CD38: variants seen among roughly 807,000 people sequenced by gnomAD.
CD38 encodes the protein ADP-ribosyl cyclase/cyclic ADP-ribose hydrolase 1.
CD38 carries 31 observed loss-of-function variants against 36.3 expected under a neutral mutation model. The observed-to-expected ratio is 0.85, with a 90% confidence interval of 0.64 to 1.15. CD38 has a LOEUF of 1.15. Among genes scored for constraint, CD38 ranks in the 50% most tolerant of loss-of-function variants. The pLI is 0.00. For missense variants in CD38, 380 were observed against 371.9 expected, an observed-to-expected ratio of 1.02 and a Z score of -0.18; for synonymous variants, 131 against 135.2, an observed-to-expected ratio of 0.97 and a Z score of 0.22.
intron 3 of CD38, among the ~76,000 whole-genome samples, chr4:15,832,902 A>G (rs528450842): frequency 6.6e-6 from 1 of 152,308 alleles, no homozygotes; most frequent in East Asian, 1.9e-4. Flanking sequence ...TCTACCTAGT[A>G]TTGCATTGTA....
At chr4:15,792,427 T>TAAAAAA (rs1455831025) in intron 1 of CD38, among the ~76,000 whole-genome samples, 1 of 124,058 alleles carries the variant, frequency 8.1e-6, no homozygotes, top group Non-Finnish European at 1.7e-5. Context: ...TCAATAAAAA[T>TAAAAAA]AAAATAAAAT....
At chr4:15,816,698 TC>T in intron 2 of CD38, 58 bp downstream of exon 2, 1 of 1,565,076 alleles carries the variant, frequency 6.4e-7, no homozygotes, top group Non-Finnish European at 8.8e-7. Context: ...TGGTAACAAT[TC>T]ATAGGTCCAA....
chr4:15,804,923 C>T (rs1723309655), intron 1 of CD38, among the ~76,000 whole-genome samples: 1 of 152,096 alleles, frequency 6.6e-6, no homozygotes, highest in Non-Finnish European at 1.5e-5. Context: ...AAATTTTGTA[C>T]ATTACCAGCA....
chr4:15,838,216 C>T (rs1425895804), intron 5 of CD38, 51 bp downstream of exon 5: 1 of 1,271,548 alleles, frequency 7.9e-7, no homozygotes, highest in African/African-American at 1.5e-5. Flanking sequence ...GCAAATATCA[C>T]AGTGAATATT....
intron 1 of CD38, among the ~76,000 whole-genome samples, chr4:15,780,536 A>AGTG (rs1722672329): frequency 6.7e-6 from 1 of 148,688 alleles, no homozygotes; most frequent in Non-Finnish European, 1.5e-5. Context: ...ACACACACAC[A>AGTG]CACACACACA....
chr4:15,852,490 C>G lies in CD38; in HGVS notation c.*3888C>G, dbSNP rs955709473. Reference sequence around the variant, plus strand: ...TTTAAAAGGCAAGTTGTTATATGTGCTGGATAGTTTTTAAGTATGACATAA... The same window carrying G: ...TTTAAAAGGCAAGTTGTTATATGTGGTGGATAGTTTTTAAGTATGACATAA... On this transcript the variant is annotated 3_prime_UTR_variant, in exon 8 of 8. Coordinates refer to ENST00000226279, the MANE Select transcript of CD38 (RefSeq NM_001775.4). 1 of 152,112 alleles carries G rather than the reference C, an allele frequency of 6.6e-6. No homozygotes were observed. Among genetic ancestry groups the G allele is most frequent in the Non-Finnish European group, 1.5e-5 (1 of 68,022 alleles). 9.4% of individuals were successfully genotyped at this position (152,112 alleles called of 1,614,324 possible).
chr4:15,781,638 C>T (rs1395011046), intron 1 of CD38, among the ~76,000 whole-genome samples: 1 of 152,120 alleles, frequency 6.6e-6, no homozygotes, highest in Non-Finnish European at 1.5e-5. Context: ...ATGAGGCCCA[C>T]CACATTATGA....
In CD38 at chr4:15,793,108, GAATC is replaced by G. The variant is rs549797689; in HGVS notation, c.233+14463_233+14466del. Among the ~76,000 whole-genome samples, 16 of 152,126 alleles carry G rather than the reference GAATC, an allele frequency of 1.1e-4. 1 individual carries two copies. In the South Asian group the frequency reaches 3.1e-3, roughly 30 times the overall value. ...TGTTGACTGACAGCTTGGCCAATCA[GAATC>G]ACTTGAACGAGCTGATTACACCCCC... On this transcript the variant is annotated intron_variant, in intron 1 of 7. Transcript: ENST00000226279.
At chr4:15,780,552 A>G (rs901404881) in intron 1 of CD38, among the ~76,000 whole-genome samples, 1 of 151,788 alleles carries the variant, frequency 6.6e-6, no homozygotes, top group South Asian at 2.1e-4. Flanking sequence ...ACACACACAC[A>G]CACACACACA....
chr4:15,811,834 T>G (rs905544373), intron 1 of CD38, among the ~76,000 whole-genome samples: 31 of 152,214 alleles, frequency 2.0e-4, no homozygotes, highest in Non-Finnish European at 4.0e-4. Flanking sequence ...GCAGAAGCAC[T>G]GGTAGGGCAG....
intron 4 of CD38, among the ~76,000 whole-genome samples, chr4:15,837,567 T>C (rs570356487): frequency 6.6e-6 from 1 of 152,320 alleles, no homozygotes; most frequent in African/African-American, 2.4e-5. Context: ...GTTTCTTGCA[T>C]GGAGAAATAA....
chr4:15,832,699 T>G (rs1723984277), intron 3 of CD38, among the ~76,000 whole-genome samples: 1 of 152,198 alleles, frequency 6.6e-6, no homozygotes, highest in Non-Finnish European at 1.5e-5. Context: ...GTACAGCACT[T>G]GCCCAGGGCC....
At chr4:15,819,806 G>A (rs773291499) in intron 2 of CD38, among the ~76,000 whole-genome samples, 3 of 152,162 alleles carry the variant, frequency 2.0e-5, no homozygotes, top group Non-Finnish European at 4.4e-5. Context: ...ATGAAACCAC[G>A]TTGGAAAACA....
chr4:15,845,886 A>G (rs1724259339), intron 7 of CD38, among the ~76,000 whole-genome samples: 1 of 98,254 alleles, frequency 1.0e-5, no homozygotes, highest in Admixed American at 9.4e-5. Context: ...AAGGAGAACT[A>G]CAAACCACTG....
intron 2 of CD38, among the ~76,000 whole-genome samples, chr4:15,823,414 A>G (rs974334240): frequency 1.4e-4 from 21 of 152,226 alleles, no homozygotes; most frequent in African/African-American, 5.1e-4. Flanking sequence ...AGATTTTTGC[A>G]ATCTATCCCT....
chr4:15,823,922 G>A (rs557583205), intron 2 of CD38, among the ~76,000 whole-genome samples: 2 of 152,134 alleles, frequency 1.3e-5, no homozygotes, highest in Non-Finnish European at 2.9e-5. Context: ...TCAGTGATAG[G>A]CTGGATAAAG....
intron 1 of CD38, among the ~76,000 whole-genome samples, chr4:15,790,746 G>A (rs1334685018): frequency 4.7e-5 from 7 of 150,192 alleles, no homozygotes; most frequent in Non-Finnish European, 8.9e-5. Flanking sequence ...CCTCTTCCCC[G>A]CCGCCATCCC....
chr4:15,786,284 C>T (rs188007751), intron 1 of CD38, among the ~76,000 whole-genome samples: 1 of 152,328 alleles, frequency 6.6e-6, no homozygotes, highest in East Asian at 1.9e-4. Context: ...CTGATTGGTT[C>T]ATTTTACAGA....
At chr4:15,792,432 T>TA (rs1435943010) in intron 1 of CD38, among the ~76,000 whole-genome samples, 1,371 of 54,270 alleles carry the variant, frequency 0.025, 31 homozygotes, top group African/African-American at 0.11. Context: ...AAAAATAAAA[T>TA]AAAATAAAAA....
Sources: allele counts gnomAD v4.1 joint callset (sites outside exome capture counted in the v4.1 genomes callset), GRCh38; gene constraint gnomAD v4.1.1; transcripts MANE v1.5; gene names NCBI Gene and HGNC (gene_info 2026-07-23, HGNC 2026-07-21).